EIF2AK4: variants seen among roughly 807,000 people sequenced by gnomAD.
EIF2AK4 encodes eIF-2-alpha kinase GCN2.
Under a neutral mutation model 211.1 loss-of-function variants are expected in EIF2AK4, and 139 were observed. That is an observed-to-expected ratio of 0.66 (90% CI 0.57 to 0.76). The LOEUF is 0.76. Among genes scored for constraint, EIF2AK4 ranks in the 30% least tolerant of loss-of-function variants. The pLI, the probability that EIF2AK4 is intolerant of heterozygous loss-of-function variation, is 0.00. For missense variants in EIF2AK4, 1,664 were observed against 2,043.8 expected, an observed-to-expected ratio of 0.81 and a Z score of 3.58; for synonymous variants, 710 against 751.3, an observed-to-expected ratio of 0.94 and a Z score of 0.90.
intron 5 of EIF2AK4, among the ~76,000 whole-genome samples, chr15:39,954,640 C>T (rs149535708): frequency 9.5e-4 from 145 of 152,282 alleles, no homozygotes; most frequent in African/African-American, 3.4e-3. Flanking sequence ...AAATTTCATC[C>T]AGTGATGAAA....
intron 16 of EIF2AK4, 52 bp downstream of exon 16, chr15:39,990,429 A>G (rs1566996476): frequency 7.0e-7 from 1 of 1,423,604 alleles, no homozygotes; most frequent in South Asian, 1.2e-5. Flanking sequence ...AGATGTCTTG[A>G]TAATCCTGGA....
At chr15:39,976,336 G>T in intron 11 of EIF2AK4, 78 bp from the exon 12 acceptor site, 1 of 1,452,434 alleles carries the variant, frequency 6.9e-7, no homozygotes. Context: ...CGCTTTCCTT[G>T]GGAGGGGATG....
chr15:40,021,020 G>C lies in EIF2AK4; in HGVS notation c.4295G>C (p.Trp1432Ser). The C allele has an allele frequency of 6.2e-7, 1 of 1,612,068 alleles. No individual in the cohort carries two copies. The change falls in exon 31 of 39, where the codon TGG becomes TCG. Residue 1432 changes from tryptophan to serine, a missense_variant. Trp to Ser is a radical substitution (Grantham distance 177). Transcript: ENST00000263791. ...AGITAEIMYD[W>S]SQSQEELQEY... Reference sequence around the variant, plus strand: ...ATCACAGCAGAAATCATGTACGACTGGTCACAGGTAATGGGACAAAAAGCA... The same window carrying C: ...ATCACAGCAGAAATCATGTACGACTCGTCACAGGTAATGGGACAAAAAGCA...
In EIF2AK4 at chr15:39,976,793, A is replaced by G; in HGVS notation, c.2198A>G (p.Asp733Gly). 6.3e-7 allele frequency: 1 copy of G among 1,578,790 alleles called. No individual in the cohort carries two copies. The highest frequency in any genetic ancestry group is 1.2e-5 in the South Asian group (1 of 86,494). ...FPATGPGSSD[D>G]EDDDEDEHGG... ...GCCACCGGCCCGGGCTCCAGCGATG[A>G]CGAGGACGACGACGAGGACGAGCAC... is the stretch of plus-strand genomic sequence containing the variant. The change falls in exon 12 of 39, where the codon GAC becomes GGC. Residue 733 changes from aspartate (D) to glycine (G), a missense_variant. Asp to Gly is a moderately conservative substitution (Grantham distance 94, BLOSUM62 -1). Coordinates refer to ENST00000263791, the MANE Select transcript of EIF2AK4 (RefSeq NM_001013703.4).
chr15:40,017,786 A>G (rs954924543), intron 29 of EIF2AK4, among the ~76,000 whole-genome samples: 2 of 151,850 alleles, frequency 1.3e-5, no homozygotes, highest in African/African-American at 4.8e-5. Context: ...AGCTCAAGCA[A>G]TCCACCCACC....
rs746070308 is a variant in EIF2AK4 at position 39,967,658 on chromosome 15, T to C, written c.1332T>C (p.Tyr444=). ...AAGGCACCGTCAAGATTACGGACTA[T>C]AGCATTTCTAAGCGCCTCGCAGACA... ...DAEGTVKITD[Y]SISKRLADIC... The change falls in exon 9 of 39, where the codon TAT becomes TAC. Residue 444 remains tyrosine (Y), a synonymous_variant. Coordinates refer to ENST00000263791, the MANE Select transcript of EIF2AK4 (RefSeq NM_001013703.4). The C allele has an allele frequency of 3.1e-6, 5 of 1,614,208 alleles. No individual in the cohort carries two copies. The highest frequency in any genetic ancestry group is 2.2e-5 in the South Asian group (2 of 91,082).
intron 14 of EIF2AK4, among the ~76,000 whole-genome samples, chr15:39,986,624 C>T (rs1470035216): frequency 6.6e-6 from 1 of 152,166 alleles, no homozygotes; most frequent in Non-Finnish European, 1.5e-5. Flanking sequence ...GAGGCCGAGG[C>T]GGGTGGATCA....
chr15:40,021,641 T>C (rs2035388549), intron 31 of EIF2AK4: 2 of 152,454 alleles, frequency 1.3e-5, no homozygotes, highest in Admixed American at 6.5e-5. Flanking sequence ...TCCCACAGCA[T>C]GCAGGCCTGA....
At chr15:39,957,759 G>A (rs2034411134) in intron 6 of EIF2AK4, among the ~76,000 whole-genome samples, 1 of 152,212 alleles carries the variant, frequency 6.6e-6, no homozygotes, top group Non-Finnish European at 1.5e-5. Flanking sequence ...GAGGGAAGAT[G>A]ACACAGGGAA....
rs1595439870 is a variant in EIF2AK4, at chr15:40,030,307, T to C, written c.4562-52T>C. 9 of 1,555,432 alleles carry C rather than the reference T, an allele frequency of 5.8e-6. No individual in the cohort carries two copies. In the East Asian group the frequency reaches 1.1e-4, roughly 20 times the overall value. ...TCTGCCATCTCTCTGTAGTATGTTG[T>C]AGAAAGTGGGACCAGATAAGGCCAT... On this transcript the variant is annotated intron_variant, in intron 34 of 38. Coordinates refer to ENST00000263791, the MANE Select transcript of EIF2AK4 (RefSeq NM_001013703.4).
In EIF2AK4 at chr15:39,968,597, C is replaced by T. The variant is rs143646222; in HGVS notation, c.1553+718C>T. On this transcript the variant is annotated intron_variant, in intron 9 of 38. Coordinates refer to ENST00000263791, the MANE Select transcript of EIF2AK4 (RefSeq NM_001013703.4). The stretch of plus-strand genomic sequence containing the variant: ...AGTCTGGATTTTTCCAGATGCTCCT[C>T]TGGTCCAGCTATCCTGCAGGAGTTG... 1.2e-3 allele frequency among the ~76,000 whole-genome samples: 189 copies of T among 152,344 alleles called. 1 individual carries two copies. Among genetic ancestry groups the T allele is most frequent in the African/African-American group, 4.3e-3 (178 of 41,586 alleles).
rs114356024 is a variant in EIF2AK4 at position 39,970,881 on chromosome 15, A to G, written c.1554-2027A>G. ...GGTATCTTATACAAATGGTTTTATT[A>G]GAATTTTTTTGCCTGTTCAAGCTAT... On this transcript the variant is annotated intron_variant, in intron 9 of 38. Coordinates refer to ENST00000263791, the MANE Select transcript of EIF2AK4 (RefSeq NM_001013703.4). Among the ~76,000 whole-genome samples, 398 of 152,334 alleles carry G rather than the reference A, an allele frequency of 2.6e-3. 2 individuals carry two copies. The highest frequency in any genetic ancestry group is 6.7e-3 in the African/African-American group (279 of 41,572).
rs1240246501 is a variant in EIF2AK4 at position 39,934,150 on chromosome 15, C to T, written c.-46C>T. The T allele has an allele frequency of 7.9e-7, 1 of 1,269,028 alleles. No homozygotes were observed. Among genetic ancestry groups the T allele is most frequent in the Non-Finnish European group, 9.9e-7 (1 of 1,013,010 alleles). The allele number at this position is 1,269,028 out of a possible 1,614,324, so 78.6% of individuals were successfully genotyped here. ...CCCGCCCCGCAGGCTGCCGGGGGCC[C>T]ACCGCCGCCCAGGCAAGGCCGCCCT... is the stretch of plus-strand genomic sequence containing the variant. On this transcript the variant is annotated 5_prime_UTR_variant, in exon 1 of 39. Coordinates refer to ENST00000263791, the MANE Select transcript of EIF2AK4 (RefSeq NM_001013703.4).
rs2035594612 is a variant in EIF2AK4 at position 40,034,930 on chromosome 15, TTAAA to T, written c.4893-92_4893-89del. 1.0e-5 allele frequency: 10 copies of T among 954,534 alleles called. No individual in the cohort carries two copies. The East Asian group carries it at 1.2e-4, about 12-fold the overall frequency. The allele number at this position is 954,534 out of a possible 1,614,324, so 59.1% of individuals were successfully genotyped here. ...GACTAGCCTTCCATCTTGTTTTTGC[TTAAA>T]TAAAGCTCCTACAGGTGTTATAAAA... On this transcript the variant is annotated intron_variant, in intron 38 of 38. Coordinates refer to ENST00000263791, the MANE Select transcript of EIF2AK4 (RefSeq NM_001013703.4).
rs781268719 is a variant in EIF2AK4 at position 39,976,741 on chromosome 15, G to A, written c.2146G>A (p.Glu716Lys). 8 of 1,601,048 alleles carry A rather than the reference G, an allele frequency of 5.0e-6. No individual in the cohort carries two copies. The Admixed American group carries it at 1.2e-4, about 24-fold the overall frequency. The change falls in exon 12 of 39, where the codon GAG becomes AAG. Residue 716 changes from glutamate (E) to lysine (K), a missense_variant. Around this residue, in one of 7 missense-constraint regions of EIF2AK4, gnomAD observed 206 missense variants for 201.9 expected, o/e 1.02. Transcript: ENST00000263791. ...CTCGGTGGAGTGGAGCACTTCGGGC[G>A]AGCGCTCGGCCAGTGCCCGTTTCCC... ...SSSVEWSTSG[E>K]RSASARFPAT... is the part of the protein sequence containing the mutation.
intron 19 of EIF2AK4, among the ~76,000 whole-genome samples, chr15:39,998,264 TTTTTTG>T (rs1282734235): frequency 8.2e-6 from 1 of 122,538 alleles, no homozygotes; most frequent in Non-Finnish European, 1.9e-5. Context: ...GTGGTTTTTT[TTTTTTG>T]TTTTGTTTTT....
intron 29 of EIF2AK4, among the ~76,000 whole-genome samples, chr15:40,017,551 A>ATATGTATATGTATATG (rs57395145): frequency 5.7e-5 from 5 of 87,088 alleles, no homozygotes; most frequent in Admixed American, 5.3e-4. Flanking sequence ...ATATATATAT[A>ATATGTATATGTATATG]TATGTATTTT....
Position 39,973,721 on chromosome 15 carries a change from G to A in EIF2AK4, c.1790G>A (p.Gly597Asp). Reference sequence around the variant, plus strand: ...GAGTTTGAAGAATTACAACTTCTTGGTAAAGGAGCTTTTGGAGCTGTCATC... The same window carrying A: ...GAGTTTGAAGAATTACAACTTCTTGATAAAGGAGCTTTTGGAGCTGTCATC... ...FIEFEELQLL[G>D]KGAFGAVIKV... Residue 597 changes from glycine (G) to aspartate (D), a missense_variant, in exon 11 of 39, where the codon GGT becomes GAT. Physicochemically the swap from Gly to Asp is moderately conservative, Grantham distance 94 (BLOSUM62 -1). This residue lies in a region of EIF2AK4 where 641 missense variants were observed against 729.6 expected (regional missense o/e 0.88). Coordinates refer to ENST00000263791, the MANE Select transcript of EIF2AK4 (RefSeq NM_001013703.4). 4 of 1,614,086 alleles carry A rather than the reference G, an allele frequency of 2.5e-6. No homozygotes were observed. Among genetic ancestry groups the A allele is most frequent in the Non-Finnish European group, 3.4e-6 (4 of 1,179,980 alleles).
At chr15:39,957,416 G>A (rs900957815) in intron 6 of EIF2AK4, among the ~76,000 whole-genome samples, 6 of 151,896 alleles carry the variant, frequency 4.0e-5, no homozygotes, top group African/African-American at 7.3e-5. Context: ...AGCCTCTGCC[G>A]ACCCCTCTGC....
Sources: allele counts gnomAD v4.1 joint callset (sites outside exome capture counted in the v4.1 genomes callset), GRCh38; gene constraint gnomAD v4.1.1; regional missense constraint gnomAD v4.1.1; transcripts MANE v1.5; gene names NCBI Gene and HGNC (gene_info 2026-07-23, HGNC 2026-07-21).